CASS4: variants seen among roughly 807,000 people sequenced by gnomAD.
The protein encoded by CASS4 is cas scaffolding protein family member 4.
Under a neutral mutation model 54.2 loss-of-function variants are expected in CASS4, and 22 were observed. The observed-to-expected ratio is 0.41, with a 90% CI of 0.29 to 0.58. The LOEUF (loss-of-function observed/expected upper bound fraction) is 0.58, where lower values mean the gene tolerates loss of function less well. Ranked by LOEUF, CASS4 falls within the 20% of genes least tolerant of loss-of-function variation. CASS4 has a pLI of 0.36. For synonymous variants in CASS4, 409 were observed against 391.5 expected (o/e 1.04, Z -0.53); for missense variants, 854 against 986.7 (o/e 0.87, Z 1.80).
intron 3 of CASS4, among the ~76,000 whole-genome samples, chr20:56,450,157 G>A (rs915218976): frequency 9.2e-5 from 14 of 151,502 alleles, no homozygotes; most frequent in Non-Finnish European, 1.5e-4. Flanking sequence ...TCAGCCTCCC[G>A]AGTAGCTGGG....
At chr20:56,456,830 C>T (rs574624073) in intron 5 of CASS4, among the ~76,000 whole-genome samples, 2 of 152,248 alleles carry the variant, frequency 1.3e-5, no homozygotes, top group Middle Eastern at 3.4e-3. Flanking sequence ...AGGCCCGCAC[C>T]GCCATACCTG....
At chr20:56,454,728 A>G (rs1420443511) in intron 5 of CASS4, among the ~76,000 whole-genome samples, 1 of 152,246 alleles carries the variant, frequency 6.6e-6, no homozygotes, top group Non-Finnish European at 1.5e-5. Context: ...ACAAAGACTT[A>G]GGAACCATGG....
At chr20:56,438,558 G>A (rs563098891) in intron 2 of CASS4, among the ~76,000 whole-genome samples, 2 of 151,354 alleles carry the variant, frequency 1.3e-5, no homozygotes, top group African/African-American at 4.9e-5. Flanking sequence ...AAACCAAACA[G>A]ATATAAACTC....
chr20:56,458,252 C>A, intron 5 of CASS4, 88 bp from the exon 6 acceptor site: 1 of 1,321,618 alleles, frequency 7.6e-7, no homozygotes, highest in Non-Finnish European at 1.0e-6. Context: ...AATAAAAAGT[C>A]TTGCAAATCT....
At chr20:56,426,457 C>T (rs1979642730) in intron 1 of CASS4, among the ~76,000 whole-genome samples, 4 of 152,210 alleles carry the variant, frequency 2.6e-5, no homozygotes, top group Admixed American at 2.6e-4. Context: ...GTGCGACAGA[C>T]ACTCCTTTCA....
At position 56,412,433 on chromosome 20, in the gene CASS4, CAG is replaced by C; in HGVS notation, c.-25_-24del. ...AGCTGGAGATACTAGCTGCAGAGCT[CAG>C]GGGAGCTGCTCCACATCACCGACAT... is the stretch of plus-strand genomic sequence containing the variant. On this transcript the variant is annotated 5_prime_UTR_variant, in exon 1 of 6. Transcript: ENST00000679887. The surrounding 1 kb of genome is among the most constrained non-coding windows in gnomAD (Gnocchi z 4.2). 1 of 1,611,376 alleles carries C rather than the reference CAG, an allele frequency of 6.2e-7. No homozygotes were observed.
At chr20:56,443,338 G>C (rs1236650769) in intron 2 of CASS4, among the ~76,000 whole-genome samples, 1 of 151,016 alleles carries the variant, frequency 6.6e-6, no homozygotes, top group Non-Finnish European at 1.5e-5. Flanking sequence ...GTGTGGTGGC[G>C]GGCACCTGTA....
chr20:56,415,994 G>C (rs1215287920), intron 1 of CASS4, among the ~76,000 whole-genome samples: 1 of 152,192 alleles, frequency 6.6e-6, no homozygotes, highest in Non-Finnish European at 1.5e-5. Flanking sequence ...CTCATTCATT[G>C]GTTTGTGGAA....
At chr20:56,431,327 T>C (rs940830752) in intron 1 of CASS4, among the ~76,000 whole-genome samples, 1 of 152,234 alleles carries the variant, frequency 6.6e-6, no homozygotes, top group African/African-American at 2.4e-5. Flanking sequence ...ATGCATTTCA[T>C]TCGTCTTTTG....
Position 56,414,305 on chromosome 20 carries a change from A to G in CASS4, c.36+1811A>G, listed in dbSNP as rs765635623. Among the ~76,000 whole-genome samples, 3 of 152,108 alleles carry G rather than the reference A, an allele frequency of 2.0e-5. No homozygotes were observed. The highest frequency in any genetic ancestry group is 4.4e-5 in the Non-Finnish European group (3 of 68,022). On this transcript the variant is annotated intron_variant, in intron 1 of 5. Coordinates refer to ENST00000679887, the MANE Select transcript of CASS4 (RefSeq NM_020356.4). This position sits in a 1 kb window ranked among gnomAD's most constrained non-coding sequence, Gnocchi z 4.1. ...CTCAGTTCTTAATCTAGAACAATCT[A>G]CTACCTTTTTCTCTTTCATAACATT...
intron 1 of CASS4, among the ~76,000 whole-genome samples, chr20:56,435,941 AG>A (rs55688724): frequency 0.014 from 2,170 of 152,112 alleles, 27 homozygotes; most frequent in African/African-American, 0.025. Flanking sequence ...TATTAGAGAC[AG>A]GGTTTCACCA....
At chr20:56,438,501 A>C (rs1298942452) in intron 2 of CASS4, among the ~76,000 whole-genome samples, 1 of 152,192 alleles carries the variant, frequency 6.6e-6, no homozygotes, top group Non-Finnish European at 1.5e-5. Context: ...GTTGTTTAAA[A>C]AAAGAATGAG....
intron 3 of CASS4, among the ~76,000 whole-genome samples, chr20:56,449,764 C>G (rs544553572): frequency 9.0e-4 from 137 of 152,070 alleles, no homozygotes; most frequent in Non-Finnish European, 1.6e-3. Flanking sequence ...TCTCTCATAC[C>G]CTGTTTTTAT....
At chr20:56,415,360 A>T (rs2146260050) in intron 1 of CASS4, among the ~76,000 whole-genome samples, 1 of 152,264 alleles carries the variant, frequency 6.6e-6, no homozygotes, top group East Asian at 1.9e-4. Context: ...CAGTACCAGG[A>T]AACACCCAAG....
intron 5 of CASS4, chr20:56,453,589 T>G (rs1458323854): frequency 6.4e-6 from 1 of 155,560 alleles, no homozygotes; most frequent in Non-Finnish European, 1.4e-5. Flanking sequence ...TCAGCTACTC[T>G]TAGAAATACT....
At chr20:56,447,865 G>A (rs535448637) in intron 3 of CASS4, among the ~76,000 whole-genome samples, 4 of 152,192 alleles carry the variant, frequency 2.6e-5, no homozygotes, top group African/African-American at 4.8e-5. Flanking sequence ...TCAATGGGCC[G>A]GGCGCGGTGG....
At chr20:56,445,791 C>T in intron 2 of CASS4, 109 bp from the exon 3 acceptor site, 1 of 829,570 alleles carries the variant, frequency 1.2e-6, no homozygotes, top group Non-Finnish European at 1.9e-6. Flanking sequence ...GCGACCCCTT[C>T]AGCAGTATCC....
In CASS4 at chr20:56,437,174, C is replaced by A. The variant is rs748253287; in HGVS notation, c.47C>A (p.Ala16Asp). The change falls in exon 2 of 6, where the codon GCC becomes GAC. Residue 16 changes from alanine to aspartate, a missense_variant. By Grantham distance (126) the Ala-to-Asp change is moderately radical (BLOSUM62 -2). Coordinates refer to ENST00000679887, the MANE Select transcript of CASS4 (RefSeq NM_020356.4). The surrounding 1 kb of genome is among the most constrained non-coding windows in gnomAD (Gnocchi z 4.7). ...CCTCTCCACCCACAGGCACTCCTGG[C>A]CAGGGCACTTTATGACAACTGCCCT... ...IMDCAPKALLARALYDNCPDC... is the reference protein window; with the variant it reads ...IMDCAPKALLDRALYDNCPDC... 14 of 1,555,660 alleles carry A rather than the reference C, an allele frequency of 9.0e-6. No individual in the cohort carries two copies. Among genetic ancestry groups the A allele is most frequent in the Middle Eastern group, 1.7e-4 (1 of 5,770 alleles).
chr20:56,453,439 G>A (rs1482850533), intron 5 of CASS4: 4 of 212,966 alleles, frequency 1.9e-5, no homozygotes, highest in Non-Finnish European at 3.7e-5. Context: ...TATTTGAGTA[G>A]ATTTTTAAAA....
Sources: allele counts gnomAD v4.1 joint callset (sites outside exome capture counted in the v4.1 genomes callset), GRCh38; gene constraint gnomAD v4.1.1; non-coding constraint Gnocchi (gnomAD v3.1); transcripts MANE v1.5; gene names NCBI Gene and HGNC (gene_info 2026-07-23, HGNC 2026-07-21).